LPP: variants seen among roughly 807,000 people sequenced by gnomAD.
LPP encodes the protein LIM domain containing preferred translocation partner in lipoma.
A neutral mutation model predicts 60.4 loss-of-function variants in LPP; 38 were observed. The observed-to-expected ratio is 0.63, with a 90% CI of 0.49 to 0.83. The LOEUF is 0.83. Among genes scored for constraint, LPP ranks in the 40% least tolerant of loss-of-function variants. LPP has a pLI of 0.00. For missense variants in LPP, 902 were observed against 783.6 expected, an observed-to-expected ratio of 1.15 and a Z score of -1.80; for synonymous variants, 328 against 290.8, an observed-to-expected ratio of 1.13 and a Z score of -1.30.
intron 1 of LPP, among the ~76,000 whole-genome samples, chr3:188,173,229 G>A (rs1272139325): frequency 2.6e-5 from 4 of 152,292 alleles, no homozygotes; most frequent in East Asian, 3.9e-4. Flanking sequence ...GGTCAGGCGC[G>A]GTGGCTCATG....
rs141798645 is a variant in LPP, at chr3:188,202,826, T to C, written c.-189-22579T>C. On this transcript the variant is annotated intron_variant, in intron 1 of 11. Coordinates refer to ENST00000617246, the MANE Select transcript of LPP (RefSeq NM_001375462.1). Reference sequence around the variant, plus strand: ...CATGGAGGTTTCATTTCTGAAGTCTTTTCTTGGGAGGGAAAAGGATGTGTG... The same window carrying C: ...CATGGAGGTTTCATTTCTGAAGTCTCTTCTTGGGAGGGAAAAGGATGTGTG... Among the ~76,000 whole-genome samples, 46 of 152,170 alleles carry C rather than the reference T, an allele frequency of 3.0e-4. No homozygotes were observed. The East Asian group carries it at 8.5e-3, about 28-fold the overall frequency.
rs1268002703 is a variant in LPP, at chr3:188,407,780, G to GTT, written c.193+1469_193+1470dup. ...TTCCTCATTTATGGTTTTTTTTTTT[G>GTT]TTTGTTTGTTTTTTTTTTTTTTTTT... On this transcript the variant is annotated intron_variant, in intron 4 of 11. Transcript: ENST00000617246. 1.3e-3 allele frequency among the ~76,000 whole-genome samples: 120 copies of GTT among 94,896 alleles called. 2 individuals are homozygous for GTT. The highest frequency in any genetic ancestry group is 7.7e-3 in the Middle Eastern group (1 of 130). The allele number at this position is 94,896 out of a possible 152,430, so 62.3% of individuals were successfully genotyped here. A position where few individuals can be genotyped will look rare whatever the true frequency, so the allele number is the denominator to read the frequency against.
intron 9 of LPP, among the ~76,000 whole-genome samples, chr3:188,863,527 C>T (rs766041338): frequency 4.6e-5 from 7 of 152,176 alleles, no homozygotes; most frequent in Non-Finnish European, 1.0e-4. Context: ...CAGCCCCCTC[C>T]TCCTGACACT....
chr3:188,237,932 T>C (rs1393519767), intron 2 of LPP, among the ~76,000 whole-genome samples: 1 of 152,246 alleles, frequency 6.6e-6, no homozygotes. Context: ...ATTTCTTTTC[T>C]CTACTTCTGA....
intron 2 of LPP, among the ~76,000 whole-genome samples, chr3:188,299,518 C>T (rs1403249049): frequency 2.6e-5 from 4 of 151,976 alleles, no homozygotes; most frequent in Admixed American, 2.0e-4. Context: ...CCTGGATATC[C>T]CCTTAATAGG....
chr3:188,246,626 G>A (rs900165394), intron 2 of LPP, among the ~76,000 whole-genome samples: 1 of 152,126 alleles, frequency 6.6e-6, no homozygotes, highest in Non-Finnish European at 1.5e-5. Context: ...CCCTGGAAAA[G>A]GGTGAAAGCC....
chr3:188,797,236 A>G (rs769202230), intron 9 of LPP, among the ~76,000 whole-genome samples: 19 of 152,198 alleles, frequency 1.2e-4, no homozygotes, highest in African/African-American at 2.2e-4. Context: ...GGGAGGACAG[A>G]AGTCAATAGC....
chr3:188,261,966 T>C (rs553158905), intron 2 of LPP, among the ~76,000 whole-genome samples: 3 of 152,316 alleles, frequency 2.0e-5, no homozygotes, highest in Admixed American at 2.0e-4. Context: ...CTGAATATTA[T>C]CTTCATTTCC....
rs71169022 is a variant in LPP, at chr3:188,828,614, C to CAAAAAAAAAAAA, written c.1411-37571_1411-37560dup. Among the ~76,000 whole-genome samples, 245 of 31,330 alleles carry CAAAAAAAAAAAA rather than the reference C, an allele frequency of 7.8e-3. 59 individuals carry two copies. Among genetic ancestry groups the CAAAAAAAAAAAA allele is most frequent in the East Asian group, 0.029 (22 of 760 alleles). 20.6% of individuals were successfully genotyped at this position (31,330 alleles called of 152,430 possible). ...TGGCAACAAGAGCGAAACTCTGTCT[C>CAAAAAAAAAAAA]AAAAAAAAAAAAAAAAAAAAAAAAA... On this transcript the variant is annotated intron_variant, in intron 9 of 11. Coordinates refer to ENST00000617246, the MANE Select transcript of LPP (RefSeq NM_001375462.1).
intron 2 of LPP, among the ~76,000 whole-genome samples, chr3:188,296,037 G>C (rs1201757307): frequency 6.6e-6 from 1 of 152,116 alleles, no homozygotes; most frequent in Non-Finnish European, 1.5e-5. Flanking sequence ...ATTCCTTTGA[G>C]CACAGACCCT....
intron 9 of LPP, among the ~76,000 whole-genome samples, chr3:188,816,129 A>G (rs956418855): frequency 1.3e-5 from 2 of 151,832 alleles, no homozygotes; most frequent in Non-Finnish European, 1.5e-5. Context: ...ACTGCTGTAT[A>G]GACACTTTTC....
chr3:188,449,571 C>T (rs982357063), intron 4 of LPP, among the ~76,000 whole-genome samples: 12 of 151,918 alleles, frequency 7.9e-5, no homozygotes, highest in Admixed American at 7.9e-4. Flanking sequence ...GATTAGAAAA[C>T]TGAGACACAA....
intron 4 of LPP, among the ~76,000 whole-genome samples, chr3:188,447,178 G>T (rs915326306): frequency 6.6e-6 from 1 of 152,152 alleles, no homozygotes; most frequent in Non-Finnish European, 1.5e-5. Flanking sequence ...AAATGCCAGG[G>T]CTTCAACTTG....
chr3:188,863,339 C>A (rs1458739458), intron 9 of LPP, among the ~76,000 whole-genome samples: 1 of 152,152 alleles, frequency 6.6e-6, no homozygotes, highest in Admixed American at 6.5e-5. Flanking sequence ...AGCAACTTTC[C>A]TTTTTCATGG....
At chr3:188,195,297 T>G (rs1429832554) in intron 1 of LPP, among the ~76,000 whole-genome samples, 1 of 151,592 alleles carries the variant, frequency 6.6e-6, no homozygotes, top group Non-Finnish European at 1.5e-5. Flanking sequence ...GCTGACGAAA[T>G]TTGTGATTTT....
chr3:188,566,716 A>G (rs1832260691), intron 6 of LPP, among the ~76,000 whole-genome samples: 1 of 151,882 alleles, frequency 6.6e-6, no homozygotes, highest in Admixed American at 6.6e-5. Context: ...GTTTTTTAAT[A>G]TCATGCTTTG....
At chr3:188,721,694 C>T (rs906357761) in intron 8 of LPP, among the ~76,000 whole-genome samples, 2 of 152,158 alleles carry the variant, frequency 1.3e-5, no homozygotes, top group African/African-American at 2.4e-5. Context: ...CTCAAGCTTA[C>T]CCATTAAGTG....
intron 6 of LPP, 139 bp downstream of exon 6, chr3:188,524,926 T>C: frequency 1.5e-6 from 1 of 651,966 alleles, no homozygotes; most frequent in Non-Finnish European, 2.4e-6. Flanking sequence ...CTTCCTTCCT[T>C]CCTTCCTTCC....
chr3:188,787,644 A>G (rs1742373233), intron 9 of LPP, among the ~76,000 whole-genome samples: 1 of 152,116 alleles, frequency 6.6e-6, no homozygotes. Context: ...TCTTTGTTTC[A>G]TTTGACTTCT....
Sources: allele counts gnomAD v4.1 joint callset (sites outside exome capture counted in the v4.1 genomes callset), GRCh38; gene constraint gnomAD v4.1.1; transcripts MANE v1.5; gene names NCBI Gene and HGNC (gene_info 2026-07-23, HGNC 2026-07-21).